The following GPC5 variants were observed in gnomAD, a reference collection of about 807,000 sequenced individuals.
GPC5 encodes glypican 5.
A neutral mutation model predicts 53.9 loss-of-function variants in GPC5; 47 were observed. That is an observed-to-expected ratio of 0.87 (90% CI 0.69 to 1.11). GPC5 has a LOEUF of 1.11. Ranked by LOEUF, GPC5 falls within the 50% of genes most tolerant of loss-of-function variation. The probability of loss-of-function intolerance (pLI) is 0.00; values close to 1 mark genes in which losing one functional copy is unlikely to be tolerated. For synonymous variants in GPC5, 286 were observed against 263.3 expected (o/e 1.09, Z -0.84); for missense variants, 748 against 713.1 (o/e 1.05, Z -0.56).
chr13:92,514,337 C>G (rs899667746), intron 7 of GPC5, among the ~76,000 whole-genome samples: 2 of 152,028 alleles, frequency 1.3e-5, no homozygotes, highest in African/African-American at 4.8e-5. Flanking sequence ...AGCAAAATTA[C>G]TTGGTGTGCT....
At chr13:92,153,329 G>C (rs191982266) in intron 7 of GPC5, among the ~76,000 whole-genome samples, 1 of 151,992 alleles carries the variant, frequency 6.6e-6, no homozygotes, top group East Asian at 1.9e-4. Context: ...GTAGAGACAG[G>C]GTTTCACCGT....
intron 3 of GPC5, among the ~76,000 whole-genome samples, chr13:91,727,406 T>A (rs2036598739): frequency 6.6e-6 from 1 of 152,148 alleles, no homozygotes; most frequent in African/African-American, 2.4e-5. Flanking sequence ...CACATACAAC[T>A]TGCATTTTGA....
chr13:91,663,131 T>C (rs61626951), intron 2 of GPC5, among the ~76,000 whole-genome samples: 13,799 of 152,250 alleles, frequency 0.091, 2,054 homozygotes, highest in African/African-American at 0.31. Context: ...CAAACGTTCT[T>C]GACTTATTCT....
chr13:91,670,989 A>G (rs1428570081), intron 2 of GPC5, among the ~76,000 whole-genome samples: 1 of 152,186 alleles, frequency 6.6e-6, no homozygotes. Context: ...TTTACTCTTC[A>G]TGTTTGACAT....
chr13:92,838,692 T>C (rs914243982), intron 7 of GPC5, among the ~76,000 whole-genome samples: 1 of 152,034 alleles, frequency 6.6e-6, no homozygotes, highest in Admixed American at 6.6e-5. Flanking sequence ...AAAATAACTA[T>C]GATTAATATG....
intron 7 of GPC5, among the ~76,000 whole-genome samples, chr13:92,520,665 GC>G (rs1484519252): frequency 2.6e-5 from 4 of 152,136 alleles, no homozygotes; most frequent in African/African-American, 9.7e-5. Flanking sequence ...CAAACCCACA[GC>G]CAGTATCATA....
chr13:92,577,856 GA>G (rs1246418472), intron 7 of GPC5, among the ~76,000 whole-genome samples: 2 of 151,920 alleles, frequency 1.3e-5, no homozygotes, highest in Admixed American at 6.6e-5. Flanking sequence ...ACAAGGAGCA[GA>G]AAAAAATTTT....
intron 2 of GPC5, among the ~76,000 whole-genome samples, chr13:91,516,041 C>A (rs1296081923): frequency 6.6e-6 from 1 of 152,056 alleles, no homozygotes; most frequent in Non-Finnish European, 1.5e-5. Flanking sequence ...GATTCAATAC[C>A]TCCCCCTTGG....
intron 7 of GPC5, among the ~76,000 whole-genome samples, chr13:92,178,927 C>T (rs1397717612): frequency 6.6e-6 from 1 of 152,134 alleles, no homozygotes; most frequent in African/African-American, 2.4e-5. Context: ...GCCAAGATTG[C>T]ACCTCTGTAC....
intron 7 of GPC5, among the ~76,000 whole-genome samples, chr13:92,174,845 C>A (rs1707605484): frequency 1.3e-5 from 2 of 152,194 alleles, no homozygotes; most frequent in African/African-American, 2.4e-5. Flanking sequence ...TTCGAAAAGT[C>A]CTCCCTTGAA....
At chr13:92,271,422 G>C (rs2042838979) in intron 7 of GPC5, among the ~76,000 whole-genome samples, 3 of 152,094 alleles carry the variant, frequency 2.0e-5, no homozygotes, top group African/African-American at 7.2e-5. Flanking sequence ...TAATGCCCTT[G>C]GGACATGTTT....
chr13:92,335,786 A>G (rs2043318160), intron 7 of GPC5, among the ~76,000 whole-genome samples: 1 of 152,198 alleles, frequency 6.6e-6, no homozygotes, highest in Admixed American at 6.5e-5. Context: ...CAAGTTCCTC[A>G]TCTCCATCTG....
intron 7 of GPC5, among the ~76,000 whole-genome samples, chr13:92,802,807 T>C (rs1302876108): frequency 6.6e-6 from 1 of 151,970 alleles, no homozygotes; most frequent in Non-Finnish European, 1.5e-5. Flanking sequence ...CTATTTAAAA[T>C]ACCTGTAAAC....
intron 5 of GPC5, among the ~76,000 whole-genome samples, chr13:91,782,963 A>G (rs1312652492): frequency 6.6e-6 from 1 of 152,064 alleles, no homozygotes; most frequent in Non-Finnish European, 1.5e-5. Context: ...TTTTTTTCCT[A>G]ACATTTATTC....
At chr13:92,545,773 T>C (rs1195754194) in intron 7 of GPC5, among the ~76,000 whole-genome samples, 2 of 152,176 alleles carry the variant, frequency 1.3e-5, no homozygotes, top group African/African-American at 4.8e-5. Flanking sequence ...GGTTGTTTGT[T>C]TTTTTCTTGT....
intron 1 of GPC5, among the ~76,000 whole-genome samples, chr13:91,423,047 T>C (rs1480479249): frequency 6.6e-6 from 1 of 152,152 alleles, no homozygotes; most frequent in Non-Finnish European, 1.5e-5. Context: ...TTATGTTGGA[T>C]TCATAAAGAC....
intron 6 of GPC5, among the ~76,000 whole-genome samples, chr13:91,963,969 G>A (rs923638444): frequency 6.6e-6 from 1 of 152,098 alleles, no homozygotes; most frequent in African/African-American, 2.4e-5. Flanking sequence ...ATTCCTCAGG[G>A]ATCTAAAATT....
intron 2 of GPC5, among the ~76,000 whole-genome samples, chr13:91,491,374 T>G (rs190322075): frequency 1.3e-5 from 2 of 152,362 alleles, no homozygotes; most frequent in East Asian, 3.9e-4. Context: ...ACATTTTGTC[T>G]TGCTATAAAT....
chr13:92,468,917 C>T (rs781080406), intron 7 of GPC5, among the ~76,000 whole-genome samples: 1 of 152,096 alleles, frequency 6.6e-6, no homozygotes, highest in African/African-American at 2.4e-5. Context: ...GCATCACTGC[C>T]TCCAGAGAGC....
Sources: gnomAD v4.1 joint callset for allele counts (sites outside exome capture counted in the v4.1 genomes callset) on GRCh38, gnomAD v4.1.1 for gene constraint, MANE v1.5 for transcripts, NCBI Gene and HGNC (gene_info 2026-07-23, HGNC 2026-07-21) for gene names.